APBA1: variants seen among roughly 807,000 people sequenced by gnomAD.
APBA1 encodes amyloid-beta A4 precursor protein-binding family A member 1.
A neutral mutation model predicts 86.6 loss-of-function variants in APBA1; 55 were observed. The ratio of observed to expected loss-of-function variants is 0.64; its 90% CI spans 0.51 to 0.80. The LOEUF (loss-of-function observed/expected upper bound fraction) is 0.80. Among genes scored for constraint, APBA1 ranks in the 30% least tolerant of loss-of-function variants. The pLI, the probability that APBA1 is intolerant of heterozygous loss-of-function variation, is 0.00. For missense variants in APBA1, 1,090 were observed against 1,183.0 expected, an observed-to-expected ratio of 0.92 and a Z score of 1.15; for synonymous variants, 511 against 493.9, an observed-to-expected ratio of 1.03 and a Z score of -0.46.
chr9:69,636,922 G>GGAAAGAAGGAAGGAAA (rs1823183823), intron 1 of APBA1, among the ~76,000 whole-genome samples: 19 of 63,962 alleles, frequency 3.0e-4, no homozygotes, highest in African/African-American at 5.4e-4. Context: ...AAGGAAGGAA[G>GGAAAGAAGGAAGGAAA]GAAAGAAAGA....
intron 6 of APBA1, among the ~76,000 whole-genome samples, chr9:69,457,899 A>G (rs573818059): frequency 1.3e-5 from 2 of 152,262 alleles, no homozygotes; most frequent in Admixed American, 1.3e-4. Context: ...CTTCCATACT[A>G]CTATACGATT....
At chr9:69,518,955 C>T (rs1026373077) in intron 1 of APBA1, among the ~76,000 whole-genome samples, 1 of 152,074 alleles carries the variant, frequency 6.6e-6, no homozygotes, top group African/African-American at 2.4e-5. Context: ...ATGGATCCAC[C>T]CCTGACTGAT....
rs764521657 is a variant in APBA1, at chr9:69,516,674, C to T, written c.537G>A (p.Glu179=). ...VYTHRLFHRG[E]DEPYSEPYAD... is the part of the protein sequence containing the mutation. ...CATAGGGCTCGGAGTAGGGCTCGTC[C>T]TCACCGCGGTGGAAGAGCCGGTGCG... The change falls in exon 2 of 13, where the codon GAG becomes GAA. Residue 179 remains glutamate (E), a synonymous_variant. Transcript: ENST00000265381. The surrounding 1 kb of genome is among the most constrained non-coding windows in gnomAD (Gnocchi z 7.3). The T allele has an allele frequency of 3.2e-5, 52 of 1,609,888 alleles. No homozygotes were observed. The highest frequency in any genetic ancestry group is 4.2e-5 in the Non-Finnish European group (50 of 1,179,044).
At chr9:69,584,482 C>T (rs2133959371) in intron 1 of APBA1, among the ~76,000 whole-genome samples, 1 of 152,300 alleles carries the variant, frequency 6.6e-6, no homozygotes, top group Middle Eastern at 3.4e-3. Flanking sequence ...TAAGGATGCT[C>T]CCAGATCCTT....
chr9:69,641,426 C>T (rs1264304741), intron 1 of APBA1, among the ~76,000 whole-genome samples: 3 of 152,048 alleles, frequency 2.0e-5, no homozygotes, highest in African/African-American at 7.2e-5. Flanking sequence ...TATGGAAATG[C>T]TAAAATCTGA....
chr9:69,446,373 C>CT (rs951237470), intron 10 of APBA1, among the ~76,000 whole-genome samples: 1 of 152,176 alleles, frequency 6.6e-6, no homozygotes, highest in Non-Finnish European at 1.5e-5. Flanking sequence ...CTAAGTACTT[C>CT]TTCACTATGG....
At chr9:69,443,324 T>G (rs896639727) in intron 10 of APBA1, among the ~76,000 whole-genome samples, 1 of 152,160 alleles carries the variant, frequency 6.6e-6, no homozygotes, top group Non-Finnish European at 1.5e-5. Context: ...ATGAATGACC[T>G]CATCTGCATC....
At chr9:69,617,646 A>T (rs926946841) in intron 1 of APBA1, among the ~76,000 whole-genome samples, 1 of 152,080 alleles carries the variant, frequency 6.6e-6, no homozygotes, top group Non-Finnish European at 1.5e-5. Flanking sequence ...GGGAAAAAAA[A>T]CGGGAACTAC....
intron 1 of APBA1, among the ~76,000 whole-genome samples, chr9:69,632,644 C>CTAT (rs1823071698): frequency 6.6e-6 from 1 of 152,144 alleles, no homozygotes; most frequent in Admixed American, 6.5e-5. Context: ...ATGACCACTA[C>CTAT]TATTATTAGT....
intron 1 of APBA1, among the ~76,000 whole-genome samples, chr9:69,554,902 C>T (rs1376775433): frequency 1.3e-5 from 2 of 152,148 alleles, no homozygotes; most frequent in African/African-American, 2.4e-5. Flanking sequence ...GAAAGATCAG[C>T]TCTCTTCACA....
At chr9:69,594,986 G>A (rs1297908871) in intron 1 of APBA1, among the ~76,000 whole-genome samples, 1 of 152,088 alleles carries the variant, frequency 6.6e-6, no homozygotes. Context: ...GAGAAATGTG[G>A]TATGAAGTAC....
intron 1 of APBA1, among the ~76,000 whole-genome samples, chr9:69,655,209 A>C (rs1823584374): frequency 6.6e-6 from 1 of 152,208 alleles, no homozygotes; most frequent in African/African-American, 2.4e-5. Context: ...AGTCCTAGCT[A>C]GAGCAATTAG....
At chr9:69,474,500 T>C (rs527655215) in intron 3 of APBA1, 11 of 152,268 alleles carry the variant, frequency 7.2e-5, no homozygotes, top group African/African-American at 1.9e-4. Flanking sequence ...CAAGAAACGA[T>C]AGTGCTCATG....
At chr9:69,493,798 C>T (rs11138941) in intron 2 of APBA1, among the ~76,000 whole-genome samples, 11,503 of 152,114 alleles carry the variant, frequency 0.076, 663 homozygotes, top group East Asian at 0.26. Flanking sequence ...TCTGAACACA[C>T]GCAGCATTAC....
chr9:69,540,693 G>A (rs1473456002), intron 1 of APBA1, among the ~76,000 whole-genome samples: 2 of 152,140 alleles, frequency 1.3e-5, no homozygotes, highest in Non-Finnish European at 2.9e-5. Flanking sequence ...TTGATCTCCT[G>A]GCTCAAGCGG....
In APBA1 at chr9:69,467,813, A is replaced by G; in HGVS notation, c.1482+10T>C. The G allele has an allele frequency of 6.2e-7, 1 of 1,614,090 alleles. No homozygotes were observed. The highest frequency in any genetic ancestry group is 8.5e-7 in the Non-Finnish European group (1 of 1,179,976). On this transcript the variant is annotated intron_variant, in intron 5 of 12. Transcript: ENST00000265381. ...CCCCTGTCCCTGTTGGAGCACCCAG[A>G]TGTCCTCACCTTGATCCTGCTTACG...
intron 1 of APBA1, among the ~76,000 whole-genome samples, chr9:69,566,605 G>A (rs12004586): frequency 0.12 from 17,823 of 152,158 alleles, 1,598 homozygotes; most frequent in African/African-American, 0.25. Context: ...TTCATGGCCA[G>A]TCAAGCTTTG....
intron 1 of APBA1, among the ~76,000 whole-genome samples, chr9:69,610,311 C>T (rs922529975): frequency 3.3e-5 from 5 of 152,094 alleles, no homozygotes; most frequent in Admixed American, 6.5e-5. Flanking sequence ...CAGAGTAACA[C>T]TCTGTCTCTA....
intron 1 of APBA1, among the ~76,000 whole-genome samples, chr9:69,643,206 T>C (rs978724722): frequency 3.3e-5 from 5 of 152,156 alleles, no homozygotes; most frequent in Admixed American, 6.5e-5. Flanking sequence ...CCAAAATTGT[T>C]TGTGTAGACA....
Sources: gnomAD v4.1 joint callset for allele counts (sites outside exome capture counted in the v4.1 genomes callset) on GRCh38, gnomAD v4.1.1 for gene constraint, Gnocchi (gnomAD v3.1) non-coding constraint, MANE v1.5 for transcripts, NCBI Gene and HGNC (gene_info 2026-07-23, HGNC 2026-07-21) for gene names.